CNTN3: variants seen among roughly 807,000 people sequenced by gnomAD.
The protein encoded by CNTN3 is contactin-3.
CNTN3 carries 60 observed loss-of-function variants against 119.1 expected under a neutral mutation model. The observed-to-expected ratio is 0.50, with a 90% CI of 0.41 to 0.62. The LOEUF (loss-of-function observed/expected upper bound fraction) is 0.62. Ranked by LOEUF, CNTN3 falls within the 20% of genes least tolerant of loss-of-function variation. The pLI is 0.00. For missense variants in CNTN3, 1,101 were observed against 1,242.4 expected (o/e 0.89, Z 1.71); for synonymous variants, 450 against 438.7 (o/e 1.03, Z -0.32).
intron 3 of CNTN3, among the ~76,000 whole-genome samples, chr3:74,497,986 T>C (rs908831844): frequency 6.6e-6 from 1 of 151,926 alleles, no homozygotes; most frequent in African/African-American, 2.4e-5. Flanking sequence ...GATAAAACTA[T>C]ACAAACATAA....
At chr3:74,304,681 T>C (rs1702525129) in intron 13 of CNTN3, among the ~76,000 whole-genome samples, 1 of 152,174 alleles carries the variant, frequency 6.6e-6, no homozygotes, top group African/African-American at 2.4e-5. Flanking sequence ...CTCTTGGCAC[T>C]GACAGGTGAA....
intron 4 of CNTN3, among the ~76,000 whole-genome samples, chr3:74,472,500 T>C (rs1174288279): frequency 6.6e-6 from 1 of 152,200 alleles, no homozygotes; most frequent in Non-Finnish European, 1.5e-5. Flanking sequence ...TCTTCAGTTA[T>C]TGTACAAACT....
Position 74,369,942 on chromosome 3 carries a change from A to T in CNTN3, c.708T>A (p.Thr236=). Residue 236 remains threonine, a synonymous_variant, in exon 7 of 23, where the codon ACT becomes ACA. Coordinates refer to ENST00000263665, the MANE Select transcript of CNTN3 (RefSeq NM_020872.3). ...EPKIEVQFPE[T]LPAAKGSTVK... ...CAGTCGAACCTTTAGCTGCTGGAAG[A>T]GTTTCTGGAAACTGAACTTCTATTT... is the stretch of plus-strand genomic sequence containing the variant. The T allele has an allele frequency of 6.2e-7, 1 of 1,609,292 alleles. No individual in the cohort carries two copies. Among genetic ancestry groups the T allele is most frequent in the African/African-American group, 1.3e-5 (1 of 74,736 alleles).
At chr3:74,509,844 A>T (rs1311784197) in intron 2 of CNTN3, among the ~76,000 whole-genome samples, 1 of 151,992 alleles carries the variant, frequency 6.6e-6, no homozygotes, top group Non-Finnish European at 1.5e-5. Flanking sequence ...CTCATTCTGA[A>T]TTCCTAGAAC....
chr3:74,268,947 A>C (rs747317237), intron 20 of CNTN3, among the ~76,000 whole-genome samples: 2 of 152,000 alleles, frequency 1.3e-5, no homozygotes, highest in South Asian at 4.2e-4. Flanking sequence ...TCAGGGAGAA[A>C]TGACTGCAAA....
intron 13 of CNTN3, among the ~76,000 whole-genome samples, chr3:74,314,152 G>T (rs769819172): frequency 5.3e-5 from 8 of 152,008 alleles, no homozygotes; most frequent in South Asian, 2.1e-4. Context: ...CAAATATTTA[G>T]ACATAGCAAC....
intron 20 of CNTN3, among the ~76,000 whole-genome samples, chr3:74,271,764 T>C (rs1043440373): frequency 3.3e-5 from 5 of 152,184 alleles, no homozygotes; most frequent in Admixed American, 2.0e-4. Flanking sequence ...ACATGTGGTA[T>C]TGTGCAACGA....
chr3:74,606,966 A>C (rs1432496360), intron 1 of CNTN3, among the ~76,000 whole-genome samples: 3 of 152,142 alleles, frequency 2.0e-5, no homozygotes, highest in Non-Finnish European at 4.4e-5. Flanking sequence ...TGAAGAAAAA[A>C]ATTTATGTAC....
At chr3:74,470,879 G>A (rs910145010) in intron 4 of CNTN3, among the ~76,000 whole-genome samples, 1 of 151,612 alleles carries the variant, frequency 6.6e-6, no homozygotes, top group African/African-American at 2.4e-5. Context: ...TTTTGTTGTT[G>A]TTGTTGTTGT....
intron 11 of CNTN3, among the ~76,000 whole-genome samples, chr3:74,342,711 C>T (rs1027130804): frequency 2.0e-5 from 3 of 152,134 alleles, no homozygotes; most frequent in Non-Finnish European, 4.4e-5. Context: ...ATATTTAGAG[C>T]CAAAATCACT....
At chr3:74,390,307 G>A (rs1299862044) in intron 5 of CNTN3, among the ~76,000 whole-genome samples, 1 of 149,574 alleles carries the variant, frequency 6.7e-6, no homozygotes, top group Non-Finnish European at 1.5e-5. Flanking sequence ...CTAAATAGAA[G>A]AAAAATGTTA....
At chr3:74,364,662 C>T (rs775971946) in intron 9 of CNTN3, 66 bp from the exon 10 acceptor site, 19 of 1,351,218 alleles carry the variant, frequency 1.4e-5, no homozygotes, top group Middle Eastern at 3.7e-4. Flanking sequence ...AATGAACTGA[C>T]TATCATTTCA....
Position 74,369,977 on chromosome 3 carries a change from A to G in CNTN3, c.673T>C (p.Tyr225His). ...AACTGAACTTCTATTTTAGGTTCAT[A>G]TTCACCCATCACACCTATAAATCCA... Reference protein sequence around the residue: ...VLRSDGVMGEYEPKIEVQFPE... With the variant: ...VLRSDGVMGEHEPKIEVQFPE... The change falls in exon 7 of 23, where the codon TAT becomes CAT. Residue 225 changes from tyrosine to histidine, a missense_variant. Transcript: ENST00000263665. 1 of 1,577,916 alleles carries G rather than the reference A, an allele frequency of 6.3e-7. No homozygotes were observed.
At chr3:74,466,115 A>G (rs1247233306) in intron 4 of CNTN3, among the ~76,000 whole-genome samples, 1 of 152,180 alleles carries the variant, frequency 6.6e-6, no homozygotes, top group Non-Finnish European at 1.5e-5. Flanking sequence ...GTGGAACCTG[A>G]GCAGACACAA....
Position 74,301,669 on chromosome 3 carries a change from C to G in CNTN3, c.1923G>C (p.Val641=). The G allele has an allele frequency of 6.2e-7, 1 of 1,614,014 alleles. No individual in the cohort carries two copies. Among genetic ancestry groups the G allele is most frequent in the Non-Finnish European group, 8.5e-7 (1 of 1,179,942 alleles). ...TACCTGTTGTGACGGTTTGCCAACC[C>G]ACGGAGAAAGGTGTCCGAGCCTGGA... ...YSIQARTPFS[V]GWQTVTTVPE... is the part of the protein sequence containing the mutation. The change falls in exon 15 of 23, where the codon GTG becomes GTC. Residue 641 remains valine, a synonymous_variant. Coordinates refer to ENST00000263665, the MANE Select transcript of CNTN3 (RefSeq NM_020872.3).
At chr3:74,428,384 T>A (rs529738566) in intron 4 of CNTN3, among the ~76,000 whole-genome samples, 1 of 152,136 alleles carries the variant, frequency 6.6e-6, no homozygotes, top group Admixed American at 6.6e-5. Context: ...CCCCTGAAGA[T>A]CTTCCAGTGG....
At chr3:74,585,091 C>A (rs1243651486) in intron 1 of CNTN3, among the ~76,000 whole-genome samples, 2 of 152,064 alleles carry the variant, frequency 1.3e-5, no homozygotes, top group African/African-American at 2.4e-5. Flanking sequence ...TTTTATAATT[C>A]TTTTTGAAAG....
At chr3:74,369,560 T>C (rs1179829987) in intron 7 of CNTN3, among the ~76,000 whole-genome samples, 187 bp from the exon 8 acceptor site, 5 of 151,430 alleles carry the variant, frequency 3.3e-5, no homozygotes, top group African/African-American at 1.2e-4. Context: ...TTTAATAAAA[T>C]AAACTGCATT....
Position 74,496,324 on chromosome 3 carries a change from T to C in CNTN3, c.182+3335A>G, listed in dbSNP as rs116025612. On this transcript the variant is annotated intron_variant, in intron 3 of 22. Transcript: ENST00000263665. Reference sequence around the variant, plus strand: ...AAATATCTAAATTGTAAAACTCTCTTAGAAAGCTTTGGTAATACCGGACCA... The same window carrying C: ...AAATATCTAAATTGTAAAACTCTCTCAGAAAGCTTTGGTAATACCGGACCA... Among the ~76,000 whole-genome samples the C allele has an allele frequency of 2.6e-3, 390 of 152,244 alleles. 2 individuals are homozygous for C. The highest frequency in any genetic ancestry group is 8.4e-3 in the African/African-American group (349 of 41,560).
Sources: gnomAD v4.1 joint callset for allele counts (sites outside exome capture counted in the v4.1 genomes callset) on GRCh38, gnomAD v4.1.1 for gene constraint, MANE v1.5 for transcripts, NCBI Gene and HGNC (gene_info 2026-07-23, HGNC 2026-07-21) for gene names.